Variants in RALYL observed in about 807,000 individuals in gnomAD.
RALYL encodes the protein RNA-binding Raly-like protein.
A neutral mutation model predicts 35.1 loss-of-function variants in RALYL; 29 were observed. That is an observed-to-expected ratio of 0.83 (90% confidence interval 0.61 to 1.13). The LOEUF is 1.13. Ranked by LOEUF, RALYL falls within the 50% of genes most tolerant of loss-of-function variation. The pLI is 0.00. For synonymous variants in RALYL, 120 were observed against 127.6 expected (o/e 0.94, Z 0.40); for missense variants, 359 against 360.4 (o/e 1.00, Z 0.03).
chr8:84,651,137 G>T (rs1828721388), intron 2 of RALYL, among the ~76,000 whole-genome samples: 1 of 151,670 alleles, frequency 6.6e-6, no homozygotes, highest in Non-Finnish European at 1.5e-5. Flanking sequence ...TGAGTTAATG[G>T]GTGCAGCACA....
At chr8:84,430,896 A>G (rs2047070057) in intron 1 of RALYL, among the ~76,000 whole-genome samples, 1 of 152,114 alleles carries the variant, frequency 6.6e-6, no homozygotes, top group Non-Finnish European at 1.5e-5. Flanking sequence ...TGCCTTCCAT[A>G]CCGTCAATGA....
chr8:84,896,975 T>C (rs376866461), intron 8 of RALYL, among the ~76,000 whole-genome samples: 50 of 152,278 alleles, frequency 3.3e-4, no homozygotes, highest in African/African-American at 1.2e-3. Flanking sequence ...AAATACTACA[T>C]GAAATGTACC....
At chr8:84,424,242 C>G (rs2046059474) in intron 1 of RALYL, among the ~76,000 whole-genome samples, 1 of 148,644 alleles carries the variant, frequency 6.7e-6, no homozygotes, top group Non-Finnish European at 1.5e-5. Flanking sequence ...GGAGGCTTTG[C>G]TCATTTGTTT....
chr8:84,303,193 C>G (rs2132399339), intron 1 of RALYL, among the ~76,000 whole-genome samples: 1 of 152,188 alleles, frequency 6.6e-6, no homozygotes, highest in Non-Finnish European at 1.5e-5. Flanking sequence ...AGCAGAGCAT[C>G]TGGAACATAT....
At chr8:84,292,540 G>A (rs1329530850) in intron 1 of RALYL, among the ~76,000 whole-genome samples, 1 of 152,102 alleles carries the variant, frequency 6.6e-6, no homozygotes, top group African/African-American at 2.4e-5. Context: ...CACAGGATGA[G>A]ATAGGAGGTC....
At chr8:84,563,238 A>G (rs146020674) in intron 2 of RALYL, among the ~76,000 whole-genome samples, 26 of 152,006 alleles carry the variant, frequency 1.7e-4, no homozygotes, top group African/African-American at 5.8e-4. Flanking sequence ...GATAATTTCT[A>G]CATAAGATTC....
At chr8:84,285,604 C>T (rs1038452446) in intron 1 of RALYL, among the ~76,000 whole-genome samples, 1 of 151,986 alleles carries the variant, frequency 6.6e-6, no homozygotes, top group African/African-American at 2.4e-5. Context: ...TAGCCAATAA[C>T]ATTTGATAAA....
chr8:84,839,014 A>G (rs1188706451), intron 4 of RALYL, among the ~76,000 whole-genome samples: 2 of 152,234 alleles, frequency 1.3e-5, no homozygotes, highest in African/African-American at 4.8e-5. Flanking sequence ...AAATAGGAAC[A>G]GCTCCAGTCT....
chr8:84,916,195 T>C (rs1236219213), intron 8 of RALYL, among the ~76,000 whole-genome samples: 1 of 152,188 alleles, frequency 6.6e-6, no homozygotes, highest in Non-Finnish European at 1.5e-5. Flanking sequence ...CTATAAGTAT[T>C]ATAAAGTGAC....
intron 1 of RALYL, among the ~76,000 whole-genome samples, chr8:84,456,050 A>G (rs2050096619): frequency 1.3e-5 from 2 of 151,862 alleles, no homozygotes; most frequent in Admixed American, 6.6e-5. Flanking sequence ...CTTTCAGTCT[A>G]TTTTAGATGT....
At chr8:84,494,145 A>G (rs555159034) in intron 1 of RALYL, among the ~76,000 whole-genome samples, 5 of 152,132 alleles carry the variant, frequency 3.3e-5, no homozygotes, top group Non-Finnish European at 7.4e-5. Flanking sequence ...TCCCAGCACC[A>G]TTTATTAAAT....
chr8:84,346,056 G>A (rs1255089478), intron 1 of RALYL: 11 of 980,444 alleles, frequency 1.1e-5, no homozygotes, highest in Non-Finnish European at 1.2e-5. Flanking sequence ...CTAATGAAAT[G>A]GGTTGCTTGG....
intron 1 of RALYL, among the ~76,000 whole-genome samples, chr8:84,188,881 T>C (rs1813175317): frequency 6.6e-6 from 1 of 152,194 alleles, no homozygotes. Flanking sequence ...GAAAATTAAC[T>C]TTGTGTTTTT....
At chr8:84,919,474 C>T (rs1021748379) in intron 8 of RALYL, among the ~76,000 whole-genome samples, 1 of 152,146 alleles carries the variant, frequency 6.6e-6, no homozygotes, top group Middle Eastern at 3.4e-3. Context: ...TAAGTTCGAA[C>T]CTTTGTGCCT....
At chr8:84,658,611 C>G (rs182169204) in intron 2 of RALYL, among the ~76,000 whole-genome samples, 175 of 152,198 alleles carry the variant, frequency 1.1e-3, no homozygotes, top group African/African-American at 4.1e-3. Context: ...GATGGATAGA[C>G]AGATAGCCTG....
At chr8:84,882,254 A>C (rs1260942672) in intron 7 of RALYL, among the ~76,000 whole-genome samples, 1 of 151,960 alleles carries the variant, frequency 6.6e-6, no homozygotes, top group African/African-American at 2.4e-5. Flanking sequence ...GTCATCCATC[A>C]CTCTGACTTA....
At chr8:84,762,205 C>T (rs1034689288) in intron 2 of RALYL, among the ~76,000 whole-genome samples, 3 of 152,128 alleles carry the variant, frequency 2.0e-5, no homozygotes, top group African/African-American at 4.8e-5. Flanking sequence ...CTTCAAAAAT[C>T]CTCTAAACAC....
At chr8:84,518,988 G>T (rs562204428) in intron 1 of RALYL, among the ~76,000 whole-genome samples, 25 of 152,308 alleles carry the variant, frequency 1.6e-4, no homozygotes, top group African/African-American at 6.0e-4. Flanking sequence ...GTTTTATTCA[G>T]TGGAGGAATA....
At chr8:84,565,635 T>G (rs562307708) in intron 2 of RALYL, among the ~76,000 whole-genome samples, 6 of 151,704 alleles carry the variant, frequency 4.0e-5, no homozygotes, top group African/African-American at 1.2e-4. Flanking sequence ...TCAACAACTC[T>G]CAGGAAAAGA....
Sources: gnomAD v4.1 joint callset for allele counts (sites outside exome capture counted in the v4.1 genomes callset) on GRCh38, gnomAD v4.1.1 for gene constraint, MANE v1.5 for transcripts, NCBI Gene and HGNC (gene_info 2026-07-23, HGNC 2026-07-21) for gene names.